CDH13: variants seen among roughly 807,000 people sequenced by gnomAD.
CDH13 encodes the protein cadherin 13, also known as cadherin-13.
In CDH13, 24 loss-of-function variants were observed where a neutral mutation model predicts 63.8. That is an observed-to-expected ratio of 0.38 (90% CI 0.27 to 0.53). The LOEUF (loss-of-function observed/expected upper bound fraction) is 0.53. Ranked by LOEUF, CDH13 falls within the 20% of genes least tolerant of loss-of-function variation. The pLI is 0.85. For synonymous variants in CDH13, 503 were observed against 355.3 expected (o/e 1.42, Z -4.67); for missense variants, 1,049 against 903.1 (o/e 1.16, Z -2.07).
At chr16:83,504,652 A>G (rs186733617) in intron 7 of CDH13, among the ~76,000 whole-genome samples, 3 of 152,304 alleles carry the variant, frequency 2.0e-5, no homozygotes, top group African/African-American at 7.2e-5. Context: ...GGGTCATGGC[A>G]GGTAGCGGGA....
At chr16:82,671,952 G>T (rs1489310421) in intron 1 of CDH13, among the ~76,000 whole-genome samples, 2 of 152,170 alleles carry the variant, frequency 1.3e-5, no homozygotes, top group African/African-American at 4.8e-5. Flanking sequence ...CTTTGTTTAT[G>T]AATTCTGCCC....
At position 83,799,950 on chromosome 16, in the gene CDH13, TA is replaced by T. The variant is rs1904307697; in HGVS notation, c.*4922del. The T allele has an allele frequency of 6.6e-6, 1 of 151,564 alleles. No homozygotes were observed. The highest frequency in any genetic ancestry group is 2.1e-4 in the South Asian group (1 of 4,828). The allele number at this position is 151,564 out of a possible 1,614,324, so 9.4% of individuals were successfully genotyped here. The stretch of plus-strand genomic sequence containing the variant: ...AGATAAGAACTTCAATTATATAATT[TA>T]AGAAGAGTCAGTCTATAATTTAAGC... On this transcript the variant is annotated 3_prime_UTR_variant, in exon 14 of 14. Transcript: ENST00000567109.
intron 6 of CDH13, among the ~76,000 whole-genome samples, chr16:83,391,242 G>A (rs560279507): frequency 1.8e-4 from 27 of 148,932 alleles, no homozygotes; most frequent in Non-Finnish European, 3.5e-4. Flanking sequence ...CGTCTTACCC[G>A]TCGCCCAGGA....
intron 5 of CDH13, among the ~76,000 whole-genome samples, chr16:83,339,235 C>G (rs951960710): frequency 6.6e-6 from 1 of 152,176 alleles, no homozygotes; most frequent in Admixed American, 6.5e-5. Flanking sequence ...TCATGAGTTT[C>G]TCCTTCCTTG....
chr16:83,655,733 A>G (rs375833060), intron 8 of CDH13, among the ~76,000 whole-genome samples: 38 of 152,318 alleles, frequency 2.5e-4, no homozygotes, highest in African/African-American at 8.4e-4. Context: ...AAGACTCCCA[A>G]ACACCCAGAA....
chr16:82,764,263 G>T (rs1260403226), intron 1 of CDH13, among the ~76,000 whole-genome samples: 1 of 152,180 alleles, frequency 6.6e-6, no homozygotes, highest in Non-Finnish European at 1.5e-5. Flanking sequence ...AGAACTGGGG[G>T]ATCTAGAAAC....
intron 5 of CDH13, among the ~76,000 whole-genome samples, chr16:83,228,873 A>G (rs1052532075): frequency 6.6e-6 from 1 of 152,204 alleles, no homozygotes; most frequent in East Asian, 1.9e-4. Context: ...TCCGGTTGAC[A>G]TGCAGGGGAT....
intron 1 of CDH13, among the ~76,000 whole-genome samples, chr16:82,664,509 T>A (rs1912357758): frequency 6.6e-6 from 1 of 152,094 alleles, no homozygotes; most frequent in Non-Finnish European, 1.5e-5. Context: ...ATGCAGTAGG[T>A]GGGTAAAATA....
chr16:83,309,796 T>C (rs1449364448), intron 5 of CDH13, among the ~76,000 whole-genome samples: 1 of 152,014 alleles, frequency 6.6e-6, no homozygotes, highest in East Asian at 1.9e-4. Context: ...TCGCTTGCTA[T>C]AACTCCCATG....
At chr16:82,794,145 G>A (rs992743539) in intron 1 of CDH13, among the ~76,000 whole-genome samples, 6 of 151,354 alleles carry the variant, frequency 4.0e-5, no homozygotes, top group African/African-American at 1.2e-4. Context: ...TTCTTAAAAG[G>A]TTATGAAATT....
intron 2 of CDH13, among the ~76,000 whole-genome samples, chr16:83,026,879 C>G (rs567889995): frequency 2.0e-5 from 3 of 152,274 alleles, no homozygotes; most frequent in South Asian, 2.1e-4. Flanking sequence ...AAGGCACCAC[C>G]TCTGACTTCA....
intron 2 of CDH13, among the ~76,000 whole-genome samples, chr16:83,026,227 G>A (rs1323847469): frequency 6.6e-6 from 1 of 152,226 alleles, no homozygotes; most frequent in Non-Finnish European, 1.5e-5. Context: ...AGGGGGCCAT[G>A]TTGGGGCAAC....
chr16:82,750,069 C>G (rs570919055), intron 1 of CDH13, among the ~76,000 whole-genome samples: 1 of 152,048 alleles, frequency 6.6e-6, no homozygotes, highest in East Asian at 1.9e-4. Flanking sequence ...GGAGTTGCAC[C>G]AAAAAGAGAC....
chr16:82,826,027 G>A (rs1401684682), intron 1 of CDH13: 1 of 150,238 alleles, frequency 6.7e-6, no homozygotes, highest in African/African-American at 2.5e-5. Flanking sequence ...CTAATTTTTT[G>A]TATTTTTTTA....
chr16:83,754,509 C>G (rs28547504), intron 11 of CDH13, among the ~76,000 whole-genome samples: 72,785 of 151,986 alleles, frequency 0.48, 18,700 homozygotes, highest in African/African-American at 0.68. Flanking sequence ...TGTCCCCACC[C>G]AAATCTCATC....
At chr16:83,256,601 G>A (rs1485313590) in intron 5 of CDH13, among the ~76,000 whole-genome samples, 3 of 151,178 alleles carry the variant, frequency 2.0e-5, no homozygotes, top group South Asian at 2.1e-4. Context: ...GGAGGCTGAG[G>A]CGGGCGAATC....
intron 1 of CDH13, among the ~76,000 whole-genome samples, chr16:82,851,780 C>A (rs564570558): frequency 6.6e-6 from 1 of 152,090 alleles, no homozygotes; most frequent in Non-Finnish European, 1.5e-5. Context: ...TTCCAGGACT[C>A]TGGGTTTGTG....
intron 1 of CDH13, among the ~76,000 whole-genome samples, chr16:82,834,477 GAA>G (rs980185692): frequency 8.5e-5 from 13 of 152,216 alleles, no homozygotes; most frequent in Admixed American, 2.6e-4. Flanking sequence ...CTAAAAAAAA[GAA>G]AAGAGAAAAA....
chr16:82,726,565 G>A lies in CDH13; in HGVS notation c.45+99428G>A, dbSNP rs571201590. 2.3e-4 allele frequency among the ~76,000 whole-genome samples: 35 copies of A among 152,304 alleles called. No individual in the cohort carries two copies. In the South Asian group the frequency reaches 5.4e-3, roughly 23 times the overall value. The stretch of plus-strand genomic sequence containing the variant: ...TTTGCTGACCTCTGGATTACAGTCT[G>A]CATCTGTTGCAGCTTATTTCAAGCA... On this transcript the variant is annotated intron_variant, in intron 1 of 13. Transcript: ENST00000567109.
Sources: allele counts gnomAD v4.1 joint callset (sites outside exome capture counted in the v4.1 genomes callset), GRCh38; gene constraint gnomAD v4.1.1; transcripts MANE v1.5; gene names NCBI Gene and HGNC (gene_info 2026-07-23, HGNC 2026-07-21).